PCDHGA3: variants seen among roughly 807,000 people sequenced by gnomAD.
PCDHGA3 encodes the protein protocadherin gamma-A3.
PCDHGA3 carries 40 observed loss-of-function variants against 58.5 expected under a neutral mutation model. The ratio of observed to expected loss-of-function variants is 0.68; its 90% CI spans 0.53 to 0.89. The LOEUF is 0.89. Ranked by LOEUF, PCDHGA3 falls within the 40% of genes least tolerant of loss-of-function variation. PCDHGA3 has a pLI of 0.00. For missense variants in PCDHGA3, 1,223 were observed against 1,195.9 expected, an observed-to-expected ratio of 1.02 and a Z score of -0.33; for synonymous variants, 530 against 525.7, an observed-to-expected ratio of 1.01 and a Z score of -0.11.
intron 1 of PCDHGA3, chr5:141,393,928 A>G: frequency 2.5e-6 from 4 of 1,614,004 alleles, no homozygotes; most frequent in South Asian, 2.2e-5. Flanking sequence ...TTGAGTGTGC[A>G]TGACCAAGAC....
chr5:141,408,398 C>A, intron 1 of PCDHGA3: 3 of 1,614,028 alleles, frequency 1.9e-6, no homozygotes, highest in Non-Finnish European at 2.5e-6. Context: ...GGCTCGCAAG[C>A]TGCGAGTGAG....
At chr5:141,380,483 A>G (rs1460206090) in intron 1 of PCDHGA3, among the ~76,000 whole-genome samples, 1 of 152,208 alleles carries the variant, frequency 6.6e-6, no homozygotes, top group Non-Finnish European at 1.5e-5. Flanking sequence ...TCTTCCCAAT[A>G]TCTCAGTCAA....
chr5:141,403,263 T>A, intron 1 of PCDHGA3: 1 of 1,613,872 alleles, frequency 6.2e-7, no homozygotes, highest in East Asian at 2.2e-5. Flanking sequence ...CGGTGTCTGG[T>A]GAACTTTAAA....
rs1012028735 is a variant in PCDHGA3 at position 141,413,666 on chromosome 5, C to T, written c.2424+67209C>T. 4 of 1,613,666 alleles carry T rather than the reference C, an allele frequency of 2.5e-6. No individual in the cohort carries two copies. In the African/African-American group the frequency reaches 5.3e-5, roughly 22 times the overall value. On this transcript the variant is annotated intron_variant, in intron 1 of 3. Coordinates refer to ENST00000253812, the MANE Select transcript of PCDHGA3 (RefSeq NM_018916.4). ...TTTCCTCTCCCGGAAGCTATTGATC[C>T]GGATGTGGGCGTGAACTCCCTGCAG... is the stretch of plus-strand genomic sequence containing the variant.
At chr5:141,389,889 G>T (rs1190060148) in intron 1 of PCDHGA3, 1 of 1,614,086 alleles carries the variant, frequency 6.2e-7, no homozygotes, top group South Asian at 1.1e-5. Context: ...CTTGCAGGAG[G>T]TGCTGCCGGA....
chr5:141,351,626 CA>C, intron 1 of PCDHGA3: 1 of 1,614,070 alleles, frequency 6.2e-7, no homozygotes, highest in Non-Finnish European at 8.5e-7. Flanking sequence ...CTATGTGGTC[CA>C]CGTGTCTGAG....
At chr5:141,384,886 G>A in intron 1 of PCDHGA3, 1 of 1,613,822 alleles carries the variant, frequency 6.2e-7, no homozygotes. Context: ...ACTCACCGTG[G>A]CTGTGGCTGA....
chr5:141,384,999 C>A, intron 1 of PCDHGA3: 1 of 1,614,144 alleles, frequency 6.2e-7, no homozygotes, highest in Non-Finnish European at 8.5e-7. Flanking sequence ...TGGCCACAGT[C>A]TCCTGCGTCT....
intron 1 of PCDHGA3, chr5:141,404,633 G>C: frequency 6.2e-7 from 1 of 1,614,170 alleles, no homozygotes; most frequent in Non-Finnish European, 8.5e-7. Flanking sequence ...CAATGCCCCA[G>C]AAATCCTGTA....
intron 1 of PCDHGA3, chr5:141,399,501 C>T (rs941107702): frequency 5.6e-6 from 9 of 1,614,032 alleles, no homozygotes; most frequent in Non-Finnish European, 7.6e-6. Flanking sequence ...TCAGTGTACC[C>T]GAAAACAACC....
At position 141,490,982 on chromosome 5, in the gene PCDHGA3, G is replaced by T; in HGVS notation, c.2425-3825G>T. ...CACTCAGCCCCCCAGCGTCTCCCTC[G>T]CTCTGCTCCTCCTGGCTCCTTGGTC... On this transcript the variant is annotated intron_variant, in intron 1 of 3. Coordinates refer to ENST00000253812, the MANE Select transcript of PCDHGA3 (RefSeq NM_018916.4). This position sits in a 1 kb window ranked among gnomAD's most constrained non-coding sequence, Gnocchi z 5.4. 1.2e-6 allele frequency: 2 copies of T among 1,613,994 alleles called. No individual in the cohort carries two copies. The highest frequency in any genetic ancestry group is 1.7e-6 in the Non-Finnish European group (2 of 1,180,002).
chr5:141,508,826 C>T (rs2099872187), intron 3 of PCDHGA3, among the ~76,000 whole-genome samples: 1 of 152,092 alleles, frequency 6.6e-6, no homozygotes, highest in South Asian at 2.1e-4. Context: ...AGATCTGGGC[C>T]CCCCTCCCCT....
At chr5:141,413,785 C>G (rs771027783) in intron 1 of PCDHGA3, 17 of 1,613,070 alleles carry the variant, frequency 1.1e-5, no homozygotes, top group Non-Finnish European at 1.4e-5. Flanking sequence ...GGAGCACTCC[C>G]TAGATCGCGA....
intron 1 of PCDHGA3, among the ~76,000 whole-genome samples, chr5:141,492,336 A>G (rs1353947767): frequency 1.3e-5 from 2 of 152,072 alleles, no homozygotes; most frequent in East Asian, 3.9e-4. Context: ...TTACGCGAAT[A>G]CCAGCTTTCA....
chr5:141,492,395 C>G (rs2099740183), intron 1 of PCDHGA3, among the ~76,000 whole-genome samples: 1 of 152,242 alleles, frequency 6.6e-6, no homozygotes, highest in African/African-American at 2.4e-5. Flanking sequence ...GGTCCACTCG[C>G]AGCTCCCCTC....
chr5:141,365,797 C>G (rs376466748), intron 1 of PCDHGA3: 9 of 1,613,860 alleles, frequency 5.6e-6, no homozygotes, highest in Non-Finnish European at 6.8e-6. Context: ...GAGTCACCTA[C>G]TCCCTGGCTG....
chr5:141,372,350 GCCTCTTTCAGCCA>G (rs1768695448), intron 1 of PCDHGA3: 2 of 1,613,880 alleles, frequency 1.2e-6, no homozygotes, highest in Admixed American at 3.3e-5. Flanking sequence ...GAGGACAGCA[GCCTCTTTCAGCCA>G]CCGTCATGCT....
intron 1 of PCDHGA3, among the ~76,000 whole-genome samples, chr5:141,443,812 G>A (rs1441798548): frequency 6.6e-6 from 1 of 151,990 alleles, no homozygotes; most frequent in Admixed American, 6.6e-5. Flanking sequence ...AGTTACCTTT[G>A]GAAAACATAA....
At position 141,512,114 on chromosome 5, in the gene PCDHGA3, C is replaced by T. The variant is rs2099884080; in HGVS notation, c.*941C>T. ...TAACTAGGCTGGACCCTTCCCACTA[C>T]ATAATAGGGCTCAGCCCAGGCAGCC... On this transcript the variant is annotated 3_prime_UTR_variant, in exon 4 of 4. Coordinates refer to ENST00000253812, the MANE Select transcript of PCDHGA3 (RefSeq NM_018916.4). 2 of 152,696 alleles carry T rather than the reference C, an allele frequency of 1.3e-5. No homozygotes were observed. Among genetic ancestry groups the T allele is most frequent in the African/African-American group, 4.8e-5 (2 of 41,468 alleles). 9.5% of individuals were successfully genotyped at this position (152,696 alleles called of 1,614,324 possible).
Sources: gnomAD v4.1 joint callset for allele counts (sites outside exome capture counted in the v4.1 genomes callset) on GRCh38, gnomAD v4.1.1 for gene constraint, Gnocchi (gnomAD v3.1) non-coding constraint, MANE v1.5 for transcripts, NCBI Gene and HGNC (gene_info 2026-07-23, HGNC 2026-07-21) for gene names.